Variants in PRKD1 observed in about 807,000 individuals in gnomAD.
PRKD1 encodes protein kinase D1, also known as serine/threonine-protein kinase D1.
In PRKD1, 63 loss-of-function variants were observed where a neutral mutation model predicts 95.9. The ratio of observed to expected loss-of-function variants is 0.66; its 90% CI spans 0.54 to 0.81. PRKD1 has a LOEUF of 0.81. Among genes scored for constraint, PRKD1 ranks in the 30% least tolerant of loss-of-function variants. The probability of loss-of-function intolerance (pLI) is 0.00; values close to 1 mark genes in which losing one functional copy is unlikely to be tolerated. For synonymous variants in PRKD1, 425 were observed against 423.1 expected, an observed-to-expected ratio of 1.00 and a Z score of -0.05; for missense variants, 1,048 against 1,165.3, an observed-to-expected ratio of 0.90 and a Z score of 1.47.
At chr14:29,631,749 G>C (rs888500867) in intron 9 of PRKD1, among the ~76,000 whole-genome samples, 1 of 151,988 alleles carries the variant, frequency 6.6e-6, no homozygotes, top group Non-Finnish European at 1.5e-5. Flanking sequence ...GCCTGCCTCG[G>C]TGTCCCAAAG....
chr14:29,825,331 T>C (rs1367665978), intron 1 of PRKD1, among the ~76,000 whole-genome samples: 1 of 152,108 alleles, frequency 6.6e-6, no homozygotes, highest in African/African-American at 2.4e-5. Context: ...GTCTGCAAAG[T>C]AATTTTGAGC....
At chr14:29,922,219 T>C (rs796721145) in intron 1 of PRKD1, among the ~76,000 whole-genome samples, 18 of 149,152 alleles carry the variant, frequency 1.2e-4, no homozygotes, top group African/African-American at 4.5e-4. Context: ...GAGAATGCTG[T>C]GAACCCAGGA....
At chr14:29,904,884 A>G (rs1894441448) in intron 1 of PRKD1, among the ~76,000 whole-genome samples, 1 of 152,334 alleles carries the variant, frequency 6.6e-6, no homozygotes, top group Admixed American at 6.5e-5. Flanking sequence ...TCATCGGTCT[A>G]AAATACTTAG....
chr14:29,588,054 A>G (rs1892997726), intron 16 of PRKD1, among the ~76,000 whole-genome samples: 1 of 152,190 alleles, frequency 6.6e-6, no homozygotes, highest in South Asian at 2.1e-4. Flanking sequence ...CAATCTATTC[A>G]TTAATATTCA....
intron 2 of PRKD1, among the ~76,000 whole-genome samples, chr14:29,710,841 T>A (rs1038293319): frequency 1.5e-4 from 23 of 152,250 alleles, no homozygotes; most frequent in African/African-American, 5.5e-4. Flanking sequence ...GTTAAAAAAA[T>A]ATATATTAGG....
At chr14:29,914,395 A>G (rs2139126726) in intron 1 of PRKD1, among the ~76,000 whole-genome samples, 1 of 152,374 alleles carries the variant, frequency 6.6e-6, no homozygotes, top group South Asian at 2.1e-4. Context: ...AACTTTATTA[A>G]AAGAATAAAC....
chr14:29,851,821 G>A (rs1892319194), intron 1 of PRKD1, among the ~76,000 whole-genome samples: 2 of 152,046 alleles, frequency 1.3e-5, no homozygotes, highest in South Asian at 2.1e-4. Flanking sequence ...CAAAGACTTG[G>A]AATCAACGTA....
At chr14:29,861,384 G>A (rs148054468) in intron 1 of PRKD1, among the ~76,000 whole-genome samples, 1 of 152,174 alleles carries the variant, frequency 6.6e-6, no homozygotes, top group African/African-American at 2.4e-5. Context: ...CTCTTCAAGT[G>A]TTTTTAAATT....
intron 2 of PRKD1, among the ~76,000 whole-genome samples, chr14:29,690,888 T>A (rs147534558): frequency 1.3e-5 from 2 of 152,288 alleles, no homozygotes; most frequent in East Asian, 3.9e-4. Context: ...TTCATTGGAC[T>A]TCTCTTAACT....
intron 2 of PRKD1, among the ~76,000 whole-genome samples, chr14:29,703,476 T>G (rs757890766): frequency 1.3e-5 from 2 of 152,198 alleles, no homozygotes; most frequent in Non-Finnish European, 2.9e-5. Flanking sequence ...TTAGATGTTA[T>G]GTGTTATGTC....
rs1193233526 is a variant in PRKD1, at chr14:29,885,308, G to A, written c.264+41941C>T. Among the ~76,000 whole-genome samples, 6 of 151,964 alleles carry A rather than the reference G, an allele frequency of 3.9e-5. No individual in the cohort carries two copies. In the East Asian group the frequency reaches 1.2e-3, roughly 29 times the overall value. ...TTCCTTGGTCCTGAGAAAATAAAAT[G>A]TATAGCTTTATTTATTTCTGTGAGA... is the stretch of plus-strand genomic sequence containing the variant. On this transcript the variant is annotated intron_variant, in intron 1 of 17. Coordinates refer to ENST00000331968, the MANE Select transcript of PRKD1 (RefSeq NM_002742.3).
intron 1 of PRKD1, among the ~76,000 whole-genome samples, chr14:29,879,226 T>C (rs7161638): frequency 0.047 from 7,110 of 152,244 alleles, 321 homozygotes; most frequent in African/African-American, 0.12. Flanking sequence ...TTTGACTATG[T>C]CCCCACCCAA....
At chr14:29,851,740 AC>A (rs1201690341) in intron 1 of PRKD1, among the ~76,000 whole-genome samples, 1 of 152,060 alleles carries the variant, frequency 6.6e-6, no homozygotes, top group African/African-American at 2.4e-5. Context: ...GGATCTGTAA[AC>A]CCCAAAATAA....
Position 29,636,285 on chromosome 14 carries a change from C to T in PRKD1, c.1190+5G>A, listed in dbSNP as rs746206674. 2 of 1,614,212 alleles carry T rather than the reference C, an allele frequency of 1.2e-6. No individual in the cohort carries two copies. Among genetic ancestry groups the T allele is most frequent in the Admixed American group, 3.3e-5 (2 of 60,026 alleles). ...GTTGGCTGAGGCTGGGAGTGCTGCT[C>T]TCACCTGATGGTTCTGTTGGCGTCC... On this transcript the variant is annotated splice_donor_5th_base_variant and intron_variant, in intron 7 of 17. Coordinates refer to ENST00000331968, the MANE Select transcript of PRKD1 (RefSeq NM_002742.3).
At chr14:29,725,924 A>C (rs989304499) in intron 1 of PRKD1, among the ~76,000 whole-genome samples, 1 of 152,190 alleles carries the variant, frequency 6.6e-6, no homozygotes, top group Non-Finnish European at 1.5e-5. Flanking sequence ...ACAGCAAGAA[A>C]ACAAGAGAAT....
At chr14:29,656,436 G>A (rs1461969163) in intron 4 of PRKD1, 2 of 1,507,440 alleles carry the variant, frequency 1.3e-6, no homozygotes, top group Non-Finnish European at 1.8e-6. Context: ...GAAAAAGACA[G>A]TGAAGCAAAT....
In PRKD1 at chr14:29,672,340, C is replaced by CAAAA. The variant is rs564550184; in HGVS notation, c.404-6136_404-6133dup. 2.4e-3 allele frequency among the ~76,000 whole-genome samples: 296 copies of CAAAA among 123,678 alleles called. 2 individuals carry two copies. The highest frequency in any genetic ancestry group is 0.019 in the East Asian group (86 of 4,582). The allele number at this position is 123,678 out of a possible 152,430, so 81.1% of individuals were successfully genotyped here. ...TGGGTGACAGAGCGAGACTCTGTCT[C>CAAAA]AAAAAAAAAATAAAATAAAATAAAA... is the stretch of plus-strand genomic sequence containing the variant. On this transcript the variant is annotated intron_variant, in intron 2 of 17. Transcript: ENST00000331968.
chr14:29,849,243 T>C (rs1594574972), intron 1 of PRKD1, among the ~76,000 whole-genome samples: 1 of 152,194 alleles, frequency 6.6e-6, no homozygotes, highest in Non-Finnish European at 1.5e-5. Context: ...TTCCTCCTGC[T>C]CTGGCCATGT....
intron 1 of PRKD1, among the ~76,000 whole-genome samples, chr14:29,803,474 C>A (rs1039164636): frequency 6.6e-6 from 1 of 152,124 alleles, no homozygotes; most frequent in African/African-American, 2.4e-5. Context: ...TTAGCATACT[C>A]AACTTGTTAA....
Sources: allele counts gnomAD v4.1 joint callset (sites outside exome capture counted in the v4.1 genomes callset), GRCh38; gene constraint gnomAD v4.1.1; transcripts MANE v1.5; gene names NCBI Gene and HGNC (gene_info 2026-07-23, HGNC 2026-07-21).